The following SYTL3 variants were observed in gnomAD, a reference collection of about 807,000 sequenced individuals.
SYTL3 encodes synaptotagmin-like protein 3.
Under a neutral mutation model 82.1 loss-of-function variants are expected in SYTL3, and 88 were observed. The observed-to-expected ratio is 1.07, with a 90% CI of 0.90 to 1.28. The LOEUF is 1.28. Ranked by LOEUF, SYTL3 falls within the 50% of genes most tolerant of loss-of-function variation. The pLI is 0.00. For synonymous variants in SYTL3, 311 were observed against 289.4 expected (o/e 1.07, Z -0.76); for missense variants, 831 against 757.6 (o/e 1.10, Z -1.14).
At chr6:158,703,153 T>TA (rs71297001) in intron 6 of SYTL3, among the ~76,000 whole-genome samples, 1,961 of 94,832 alleles carry the variant, frequency 0.021, 39 homozygotes, top group African/African-American at 0.044. Flanking sequence ...GACTCTGTCT[T>TA]AAAAAAAAAA....
At chr6:158,659,959 T>G (rs746240270) in intron 2 of SYTL3, among the ~76,000 whole-genome samples, 4 of 152,134 alleles carry the variant, frequency 2.6e-5, no homozygotes, top group Non-Finnish European at 4.4e-5. Context: ...AAATGACCAG[T>G]CAGTCAAGTC....
chr6:158,699,232 G>T (rs1780889762), intron 6 of SYTL3, among the ~76,000 whole-genome samples: 1 of 152,178 alleles, frequency 6.6e-6, no homozygotes, highest in African/African-American at 2.4e-5. Flanking sequence ...CAGGGAGTCT[G>T]CCCTGTGTCC....
chr6:158,742,246 G>A (rs556469527), intron 11 of SYTL3, among the ~76,000 whole-genome samples: 5 of 152,348 alleles, frequency 3.3e-5, no homozygotes, highest in African/African-American at 1.2e-4. Flanking sequence ...ATTCAAGAAT[G>A]TATTCCAATA....
intron 5 of SYTL3, among the ~76,000 whole-genome samples, chr6:158,669,526 G>A (rs761775107): frequency 2.0e-5 from 3 of 152,154 alleles, no homozygotes; most frequent in Non-Finnish European, 2.9e-5. Flanking sequence ...AAGGTGCAAC[G>A]GAGCTTATAT....
intron 6 of SYTL3, among the ~76,000 whole-genome samples, chr6:158,694,740 G>T (rs914059528): frequency 1.3e-5 from 2 of 152,172 alleles, no homozygotes; most frequent in Admixed American, 6.5e-5. Context: ...TTAACTGGAT[G>T]ACTGGAGTTT....
In SYTL3 at chr6:158,672,639, A is replaced by AT. The variant is rs1390627532; in HGVS notation, c.329+7036dup. Among the ~76,000 whole-genome samples the AT allele has an allele frequency of 8.7e-3, 1,197 of 138,244 alleles. 8 individuals carry two copies. Among genetic ancestry groups the AT allele is most frequent in the African/African-American group, 0.027 (1,017 of 37,812 alleles). 90.7% of individuals were successfully genotyped at this position (138,244 alleles called of 152,430 possible). On this transcript the variant is annotated intron_variant, in intron 5 of 17. Transcript: ENST00000611299. ...GTTGGTTTTTAATTTTTTTAATTTAATTTTTTTTTTGAGACTGAGTCTCAC... is the reference window on the plus strand; with the variant it reads ...GTTGGTTTTTAATTTTTTTAATTTAATTTTTTTTTTTGAGACTGAGTCTCAC...
intron 5 of SYTL3, among the ~76,000 whole-genome samples, chr6:158,678,504 A>G (rs1484112266): frequency 6.6e-6 from 1 of 152,330 alleles, no homozygotes; most frequent in East Asian, 1.9e-4. Flanking sequence ...AATGAGGTCA[A>G]AATATTTTCT....
chr6:158,764,586 G>A lies in SYTL3; in HGVS notation c.1815G>A (p.Met605Ile), dbSNP rs766340390. The A allele has an allele frequency of 6.8e-6, 11 of 1,613,192 alleles. No homozygotes were observed. Among genetic ancestry groups the A allele is most frequent in the Non-Finnish European group, 9.3e-6 (11 of 1,179,278 alleles). The change falls in exon 18 of 18, where the codon ATG becomes ATA. Residue 605 changes from methionine to isoleucine, a missense_variant. Coordinates refer to ENST00000611299, the MANE Select transcript of SYTL3 (RefSeq NM_001242394.2). Reference protein sequence around the residue: ...VLSSPNLWTDMTLVLH With the variant: ...VLSSPNLWTDITLVLH ...CCAGCCCCAATCTATGGACAGACATGACTCTTGTCCTGCACTGACATGAAG... is the reference window on the plus strand; with the variant it reads ...CCAGCCCCAATCTATGGACAGACATAACTCTTGTCCTGCACTGACATGAAG...
chr6:158,678,269 G>A (rs1192180736), intron 5 of SYTL3, among the ~76,000 whole-genome samples: 1 of 152,198 alleles, frequency 6.6e-6, no homozygotes, highest in Non-Finnish European at 1.5e-5. Context: ...TTCTGCACAG[G>A]AGATGTGCTT....
Position 158,718,139 on chromosome 6 carries a change from G to C in SYTL3, c.648G>C (p.Thr216=). The part of the protein sequence containing the change: ...DMTSEKHLLA[T]GPRQCVGQTE... ...CTTCTGAGAAGCATCTTCTCGCCAC[G>C]GGCCCCAGGCAGTGTGTGGGACAGA... Residue 216 remains threonine (T), a synonymous_variant, in exon 10 of 18, where the codon ACG becomes ACC. Coordinates refer to ENST00000611299, the MANE Select transcript of SYTL3 (RefSeq NM_001242394.2). The C allele has an allele frequency of 1.3e-6, 2 of 1,545,604 alleles. No homozygotes were observed. Among genetic ancestry groups the C allele is most frequent in the Non-Finnish European group, 1.7e-6 (2 of 1,144,556 alleles).
chr6:158,670,923 C>T (rs2128381974), intron 5 of SYTL3, among the ~76,000 whole-genome samples: 1 of 152,112 alleles, frequency 6.6e-6, no homozygotes, highest in African/African-American at 2.4e-5. Context: ...CTGCCTCAGC[C>T]TCCCAAATAG....
At chr6:158,674,821 A>C (rs562624673) in intron 5 of SYTL3, among the ~76,000 whole-genome samples, 2 of 152,244 alleles carry the variant, frequency 1.3e-5, no homozygotes, top group African/African-American at 4.8e-5. Flanking sequence ...TGACCTGCGC[A>C]GTGTTTAATA....
intron 11 of SYTL3, chr6:158,726,534 A>G (rs528381156): frequency 2.0e-5 from 4 of 195,672 alleles, no homozygotes; most frequent in East Asian, 1.5e-4. Flanking sequence ...CGGACTGAAT[A>G]TAAATACTCA....
intron 6 of SYTL3, among the ~76,000 whole-genome samples, chr6:158,697,277 G>GATA (rs1780656699): frequency 1.1e-5 from 1 of 94,502 alleles, no homozygotes; most frequent in Non-Finnish European, 2.1e-5. Flanking sequence ...CATCTCTACG[G>GATA]AAAAAAAAAA....
At position 158,663,239 on chromosome 6, in the gene SYTL3, C is replaced by G; in HGVS notation, c.-30C>G. The G allele has an allele frequency of 6.2e-7, 1 of 1,610,016 alleles. No homozygotes were observed. Among genetic ancestry groups the G allele is most frequent in the Non-Finnish European group, 8.5e-7 (1 of 1,176,408 alleles). On this transcript the variant is annotated 5_prime_UTR_variant, in exon 4 of 18. Transcript: ENST00000611299. ...GCTTGGTCCATGCAGTGAAGCTCTT[C>G]CAACCTGGGTCAACGAAAACGGAGA...
chr6:158,763,419 C>G lies in SYTL3; in HGVS notation c.1633C>G (p.Leu545Val). The G allele has an allele frequency of 6.2e-7, 1 of 1,614,226 alleles. No individual in the cohort carries two copies. The highest frequency in any genetic ancestry group is 8.5e-7 in the Non-Finnish European group (1 of 1,180,028). ...FVFSGVTPAQ[L>V]RQSSLELTVW... ...CTTCAGTGGCGTAACCCCAGCTCAG[C>G]TGAGGCAGTCAAGCTTGGAGTTAAC... is the stretch of plus-strand genomic sequence containing the variant. The change falls in exon 17 of 18, where the codon CTG becomes GTG. Residue 545 changes from leucine (L) to valine (V), a missense_variant. By Grantham distance (32) the Leu-to-Val change is conservative (BLOSUM62 1). Coordinates refer to ENST00000611299, the MANE Select transcript of SYTL3 (RefSeq NM_001242394.2).
At chr6:158,732,097 C>T (rs563200734) in intron 11 of SYTL3, among the ~76,000 whole-genome samples, 1 of 152,266 alleles carries the variant, frequency 6.6e-6, no homozygotes, top group African/African-American at 2.4e-5. Flanking sequence ...TAGTAAAAAT[C>T]AGACTCTTGT....
intron 5 of SYTL3, among the ~76,000 whole-genome samples, chr6:158,666,882 C>T (rs772084704): frequency 9.9e-5 from 15 of 152,246 alleles, no homozygotes; most frequent in African/African-American, 1.9e-4. Context: ...CCGTCCATTT[C>T]GCTCACAGCG....
At chr6:158,664,315 C>T (rs1405584464) in intron 4 of SYTL3, among the ~76,000 whole-genome samples, 5 of 152,292 alleles carry the variant, frequency 3.3e-5, no homozygotes, top group South Asian at 2.1e-4. Context: ...GAGGTTGAGG[C>T]GGGCGGATCA....
Sources: gnomAD v4.1 joint callset for allele counts (sites outside exome capture counted in the v4.1 genomes callset) on GRCh38, gnomAD v4.1.1 for gene constraint, MANE v1.5 for transcripts, NCBI Gene and HGNC (gene_info 2026-07-23, HGNC 2026-07-21) for gene names.